ADCY8: variants seen among roughly 807,000 people sequenced by gnomAD.
ADCY8 encodes the protein adenylate cyclase 8, also known as adenylate cyclase type 8.
In ADCY8, 51 loss-of-function variants were observed where a neutral mutation model predicts 119.7. The ratio of observed to expected loss-of-function variants is 0.43; its 90% CI spans 0.34 to 0.54. ADCY8 has a LOEUF of 0.54. Ranked by LOEUF, ADCY8 falls within the 20% of genes least tolerant of loss-of-function variation. The pLI, the probability that ADCY8 is intolerant of heterozygous loss-of-function variation, is 0.03. For synonymous variants in ADCY8, 665 were observed against 651.0 expected, an observed-to-expected ratio of 1.02 and a Z score of -0.33; for missense variants, 1,383 against 1,598.8, an observed-to-expected ratio of 0.87 and a Z score of 2.30.
At chr8:130,895,947 A>G (rs1819373690) in intron 7 of ADCY8, among the ~76,000 whole-genome samples, 1 of 152,144 alleles carries the variant, frequency 6.6e-6, no homozygotes, top group Non-Finnish European at 1.5e-5. Flanking sequence ...TTTTAGGGGG[A>G]GGAATTTCAG....
chr8:130,955,014 C>T (rs910598707), intron 2 of ADCY8, among the ~76,000 whole-genome samples: 1 of 152,054 alleles, frequency 6.6e-6, no homozygotes, highest in Non-Finnish European at 1.5e-5. Context: ...TTTATTTATT[C>T]ATCTAACAAA....
chr8:130,910,950 A>G (rs1819962225), intron 5 of ADCY8, among the ~76,000 whole-genome samples: 1 of 152,212 alleles, frequency 6.6e-6, no homozygotes. Context: ...ATTGCCCCCA[A>G]ATGCAATGAT....
intron 14 of ADCY8, among the ~76,000 whole-genome samples, chr8:130,802,214 C>A (rs1383998564): frequency 6.6e-6 from 1 of 152,144 alleles, no homozygotes; most frequent in Admixed American, 6.5e-5. Flanking sequence ...ACCAGCATTG[C>A]CAAATCATCA....
At chr8:130,916,213 A>G (rs921802516) in intron 5 of ADCY8, among the ~76,000 whole-genome samples, 4 of 152,248 alleles carry the variant, frequency 2.6e-5, no homozygotes, top group African/African-American at 9.6e-5. Flanking sequence ...TTTAAAGGGA[A>G]ATACAAAAGG....
At chr8:130,945,185 A>T (rs1265376420) in intron 3 of ADCY8, among the ~76,000 whole-genome samples, 1 of 152,212 alleles carries the variant, frequency 6.6e-6, no homozygotes, top group East Asian at 1.9e-4. Context: ...GAGGCTAGAA[A>T]GAAGAGAGAG....
intron 1 of ADCY8, among the ~76,000 whole-genome samples, chr8:131,016,296 A>G (rs1410477980): frequency 6.6e-6 from 1 of 152,030 alleles, no homozygotes; most frequent in Non-Finnish European, 1.5e-5. Context: ...GGCCAAGAAA[A>G]AGGATCACTT....
chr8:130,927,447 T>C (rs1820506470), intron 5 of ADCY8, among the ~76,000 whole-genome samples: 1 of 152,224 alleles, frequency 6.6e-6, no homozygotes, highest in Non-Finnish European at 1.5e-5. Flanking sequence ...GTGATTGATT[T>C]TCTTGCTATT....
intron 5 of ADCY8, among the ~76,000 whole-genome samples, chr8:130,930,261 T>G (rs1459019400): frequency 6.6e-6 from 1 of 152,062 alleles, no homozygotes; most frequent in Non-Finnish European, 1.5e-5. Flanking sequence ...CTACATTTTT[T>G]TTTTTTTTGA....
At chr8:130,906,165 T>C (rs1819777536) in intron 6 of ADCY8, among the ~76,000 whole-genome samples, 1 of 152,234 alleles carries the variant, frequency 6.6e-6, no homozygotes, top group African/African-American at 2.4e-5. Flanking sequence ...ATTCCCAAGA[T>C]GCATTTTGTT....
At chr8:130,966,309 T>C (rs1224521040) in intron 2 of ADCY8, among the ~76,000 whole-genome samples, 3 of 152,178 alleles carry the variant, frequency 2.0e-5, no homozygotes, top group African/African-American at 7.2e-5. Context: ...AGTCTTAACA[T>C]GTCTGAATAA....
At chr8:131,004,502 T>C (rs888916159) in intron 1 of ADCY8, among the ~76,000 whole-genome samples, 2 of 152,234 alleles carry the variant, frequency 1.3e-5, no homozygotes, top group African/African-American at 2.4e-5. Flanking sequence ...TCTCTCGACC[T>C]GTACTCTGTA....
At chr8:130,933,757 G>A (rs1212717238) in intron 5 of ADCY8, among the ~76,000 whole-genome samples, 1 of 152,120 alleles carries the variant, frequency 6.6e-6, no homozygotes, top group Non-Finnish European at 1.5e-5. Flanking sequence ...AAATAATAAT[G>A]CTCTAAGTAT....
chr8:130,966,162 C>T (rs1039351359), intron 2 of ADCY8, among the ~76,000 whole-genome samples: 4 of 152,176 alleles, frequency 2.6e-5, no homozygotes, highest in African/African-American at 9.7e-5. Context: ...CTGCATGACT[C>T]ATCATGACAC....
At chr8:131,015,663 A>G (rs375022271) in intron 1 of ADCY8, among the ~76,000 whole-genome samples, 1 of 152,136 alleles carries the variant, frequency 6.6e-6, no homozygotes, top group Non-Finnish European at 1.5e-5. Context: ...AGTTAAATGT[A>G]TTATTTTTCT....
chr8:130,799,935 C>T (rs200136553), intron 15 of ADCY8, among the ~76,000 whole-genome samples: 3 of 48,756 alleles, frequency 6.2e-5, no homozygotes, highest in African/African-American at 4.7e-4. Flanking sequence ...GTGAGCATTT[C>T]CCCCCACAGA....
chr8:130,807,061 G>A (rs998115389), intron 14 of ADCY8, among the ~76,000 whole-genome samples: 1 of 152,160 alleles, frequency 6.6e-6, no homozygotes, highest in African/African-American at 2.4e-5. Context: ...AGCTATTATT[G>A]GTTTATTGTG....
chr8:130,925,249 CA>C (rs1382281552), intron 5 of ADCY8, among the ~76,000 whole-genome samples: 1 of 151,920 alleles, frequency 6.6e-6, no homozygotes, highest in Admixed American at 6.6e-5. Context: ...AAAAGAAACT[CA>C]AACTGCTATC....
intron 2 of ADCY8, among the ~76,000 whole-genome samples, chr8:130,984,196 G>A (rs1822325868): frequency 6.6e-6 from 1 of 152,044 alleles, no homozygotes; most frequent in South Asian, 2.1e-4. Context: ...GGGGAGGACA[G>A]GAGCCTGCAT....
intron 1 of ADCY8, among the ~76,000 whole-genome samples, chr8:131,035,605 A>G (rs933040881): frequency 8.5e-5 from 13 of 152,202 alleles, no homozygotes; most frequent in Admixed American, 7.8e-4. Flanking sequence ...TGTGGTTGCT[A>G]CCCTGTCAAG....
Sources: allele counts gnomAD v4.1 joint callset (sites outside exome capture counted in the v4.1 genomes callset), GRCh38; gene constraint gnomAD v4.1.1; transcripts MANE v1.5; gene names NCBI Gene and HGNC (gene_info 2026-07-23, HGNC 2026-07-21).